The following MOK variants were observed in gnomAD, a reference collection of about 807,000 sequenced individuals.
MOK encodes MOK protein kinase.
MOK carries 59 observed loss-of-function variants against 54.2 expected under a neutral mutation model. The observed-to-expected ratio is 1.09, with a 90% confidence interval of 0.88 to 1.35. The LOEUF is 1.35. Ranked by LOEUF, MOK falls within the 40% of genes most tolerant of loss-of-function variation. The pLI, the probability that MOK is intolerant of heterozygous loss-of-function variation, is 0.00. For synonymous variants in MOK, 210 were observed against 202.7 expected (o/e 1.04, Z -0.31); for missense variants, 517 against 526.2 (o/e 0.98, Z 0.17).
Position 102,232,052 on chromosome 14 carries a change from T to A in MOK, c.867-231A>T. 2.2e-6 allele frequency: 1 copy of A among 454,072 alleles called. No individual in the cohort carries two copies. The highest frequency in any genetic ancestry group is 3.4e-5 in the East Asian group (1 of 29,486). The allele number at this position is 454,072 out of a possible 1,614,324, so 28.1% of individuals were successfully genotyped here. On this transcript the variant is annotated intron_variant, in intron 9 of 11. Coordinates refer to ENST00000361847, the MANE Select transcript of MOK (RefSeq NM_014226.3). This position sits in a 1 kb window ranked among gnomAD's most constrained non-coding sequence, Gnocchi z 5.1. ...TCAGAAGCGCTGCCTACCCAGGGACTCGCAGTTTCAGATCAAACTGTCACC... is the reference window on the plus strand; with the variant it reads ...TCAGAAGCGCTGCCTACCCAGGGACACGCAGTTTCAGATCAAACTGTCACC...
At position 102,245,257 on chromosome 14, in the gene MOK, T is replaced by G. The variant is rs1424129190; in HGVS notation, c.590+5555A>C. ...CAGCTGAATCTCTCCCACTCCAGGT[T>G]CCCACGCCACCCCTAATCCCACTCG... On this transcript the variant is annotated intron_variant, in intron 7 of 11. Coordinates refer to ENST00000361847, the MANE Select transcript of MOK (RefSeq NM_014226.3). This position sits in a 1 kb window ranked among gnomAD's most constrained non-coding sequence, Gnocchi z 4.3. Among the ~76,000 whole-genome samples the G allele has an allele frequency of 6.6e-6, 1 of 152,032 alleles. No individual in the cohort carries two copies. Among genetic ancestry groups the G allele is most frequent in the Non-Finnish European group, 1.5e-5 (1 of 68,020 alleles).
intron 1 of MOK, among the ~76,000 whole-genome samples, chr14:102,302,992 T>C (rs1261526149): frequency 6.6e-6 from 1 of 151,250 alleles, no homozygotes; most frequent in East Asian, 2.0e-4. Context: ...TGAAACCCCG[T>C]CTCTACCAAA....
rs954216890 is a variant in MOK at position 102,232,697 on chromosome 14, A to G, written c.704T>C (p.Met235Thr). 1 of 1,613,478 alleles carries G rather than the reference A, an allele frequency of 6.2e-7. No homozygotes were observed. Among genetic ancestry groups the G allele is most frequent in the African/African-American group, 1.3e-5 (1 of 74,910 alleles). Residue 235 changes from methionine (M) to threonine (T), a missense_variant, in exon 9 of 12, where the codon ATG becomes ACG. Physicochemically the swap from Met to Thr is moderately conservative, Grantham distance 81 (BLOSUM62 -1). Coordinates refer to ENST00000361847, the MANE Select transcript of MOK (RefSeq NM_014226.3). This position sits in a 1 kb window ranked among gnomAD's most constrained non-coding sequence, Gnocchi z 5.1. ...ILTKFKQSRA[M>T]NFDFPFKKGS... ...CTTTTTAAAAGGAAAATCAAAATTC[A>G]TAGCTCTCGACCTGTATTAAAAACC...
At position 102,249,831 on chromosome 14, in the gene MOK, G is replaced by A. The variant is rs1183131889; in HGVS notation, c.590+981C>T. 6.6e-6 allele frequency among the ~76,000 whole-genome samples: 1 copy of A among 152,230 alleles called. No homozygotes were observed. The highest frequency in any genetic ancestry group is 2.4e-5 in the African/African-American group (1 of 41,458). ...TAGCTTCTATTCCAGAAAATGGCAG[G>A]CTCTTGTGACTAAAGGAGAGAGGAG... On this transcript the variant is annotated intron_variant, in intron 7 of 11. Coordinates refer to ENST00000361847, the MANE Select transcript of MOK (RefSeq NM_014226.3). The surrounding 1 kb of genome is among the most constrained non-coding windows in gnomAD (Gnocchi z 5.3).
chr14:102,265,841 A>C lies in MOK; in HGVS notation c.194T>G (p.Met65Arg). ...TACTTACAAAACCACTTCATGCAAC[A>C]TAAGAATGTTTGGGTGCGGATTCAG... ...RRLNPHPNIL[M>R]LHEVVFDRKS... is the part of the protein sequence containing the mutation. Residue 65 changes from methionine (M) to arginine (R), a missense_variant, in exon 3 of 12, where the codon ATG becomes AGG. Coordinates refer to ENST00000361847, the MANE Select transcript of MOK (RefSeq NM_014226.3). 6.2e-7 allele frequency: 1 copy of C among 1,613,966 alleles called. No homozygotes were observed. Among genetic ancestry groups the C allele is most frequent in the Non-Finnish European group, 8.5e-7 (1 of 1,179,814 alleles).
chr14:102,255,531 TCCTGGTCCCGGGCCA>T (rs2066881709), intron 4 of MOK, among the ~76,000 whole-genome samples: 1 of 148,842 alleles, frequency 6.7e-6, no homozygotes, highest in African/African-American at 2.6e-5. Context: ...TAGGGAGCCG[TCCTGGTCCCGGGCCA>T]GTAGTTGGGG....
intron 1 of MOK, among the ~76,000 whole-genome samples, chr14:102,286,270 G>C (rs1297505934): frequency 1.5e-5 from 2 of 129,198 alleles, no homozygotes; most frequent in African/African-American, 3.0e-5. Flanking sequence ...CTGCACTCCA[G>C]CCTGGGCGAC....
chr14:102,227,732 G>C (rs918237560), downstream of MOK, among the ~76,000 whole-genome samples: 5 of 152,226 alleles, frequency 3.3e-5, no homozygotes, highest in East Asian at 7.8e-4. Flanking sequence ...CGGACTCGCT[G>C]CCCCACGCTC....
At chr14:102,229,894 G>A (rs1480939953) in intron 10 of MOK, 3 of 537,284 alleles carry the variant, frequency 5.6e-6, no homozygotes, top group African/African-American at 3.8e-5. Flanking sequence ...TGCAAGCTGA[G>A]CAGTGCGGGC....
chr14:102,264,073 T>C (rs2067688632), intron 3 of MOK: 2 of 156,060 alleles, frequency 1.3e-5, no homozygotes, highest in African/African-American at 4.8e-5. Flanking sequence ...AAGCTGGGTG[T>C]GGTGGCGTGT....
chr14:102,299,728 G>A (rs1036400343), intron 1 of MOK, among the ~76,000 whole-genome samples: 4 of 152,000 alleles, frequency 2.6e-5, no homozygotes, highest in Non-Finnish European at 4.4e-5. Context: ...TGAGACCACA[G>A]GCATGCACTG....
At chr14:102,263,520 G>A in intron 4 of MOK, 26 bp downstream of exon 4, 1 of 1,511,432 alleles carries the variant, frequency 6.6e-7, no homozygotes, top group Non-Finnish European at 9.1e-7. Context: ...AGGATCTTAG[G>A]TTAGCTTTCA....
chr14:102,258,471 C>G (rs2067142087), intron 4 of MOK, among the ~76,000 whole-genome samples: 1 of 133,660 alleles, frequency 7.5e-6, no homozygotes. Context: ...GACTGATATT[C>G]TTGATAATTT....
intron 6 of MOK, chr14:102,251,450 T>G (rs1409836994): frequency 4.2e-6 from 2 of 470,996 alleles, no homozygotes; most frequent in Non-Finnish European, 8.1e-6. Context: ...GGACCTGAGC[T>G]CAAATCCTGC....
intron 1 of MOK, among the ~76,000 whole-genome samples, chr14:102,286,946 A>G (rs1166733901): frequency 6.7e-6 from 1 of 149,808 alleles, no homozygotes; most frequent in Non-Finnish European, 1.5e-5. Flanking sequence ...TAATAATAAT[A>G]ATGTCCTTAA....
intron 1 of MOK, among the ~76,000 whole-genome samples, chr14:102,285,074 T>G (rs1487131516): frequency 2.3e-5 from 3 of 128,806 alleles, no homozygotes; most frequent in South Asian, 2.4e-4. Context: ...CAGAGTGAGA[T>G]GTCATCTCAA....
intron 1 of MOK, among the ~76,000 whole-genome samples, chr14:102,294,827 T>C (rs1438730231): frequency 2.0e-5 from 3 of 152,178 alleles, no homozygotes; most frequent in African/African-American, 4.8e-5. Context: ...ACAAATTCAG[T>C]GTGTGCCAAT....
chr14:102,264,235 GAAAGA>G (rs2067715940), intron 3 of MOK: 1 of 146,746 alleles, frequency 6.8e-6, no homozygotes, highest in Non-Finnish European at 1.5e-5. Flanking sequence ...AAAAAAGAAA[GAAAGA>G]AAGAAAATTA....
In MOK at chr14:102,240,454, A is replaced by C. The variant is rs1356342577; in HGVS notation, c.591-6665T>G. On this transcript the variant is annotated intron_variant, in intron 7 of 11. Coordinates refer to ENST00000361847, the MANE Select transcript of MOK (RefSeq NM_014226.3). This position sits in a 1 kb window ranked among gnomAD's most constrained non-coding sequence, Gnocchi z 5.4. ...AACCAGCCCAAGGAACATCTCACCA[A>C]TTTCAAATCAGGTAAGCGGTCTTTT... 5.8e-6 allele frequency: 1 copy of C among 172,524 alleles called. No homozygotes were observed. The highest frequency in any genetic ancestry group is 1.2e-5 in the Non-Finnish European group (1 of 84,992). The allele number at this position is 172,524 out of a possible 1,614,324, so 10.7% of individuals were successfully genotyped here.
Sources: allele counts gnomAD v4.1 joint callset (sites outside exome capture counted in the v4.1 genomes callset), GRCh38; gene constraint gnomAD v4.1.1; non-coding constraint Gnocchi (gnomAD v3.1); transcripts MANE v1.5; gene names NCBI Gene and HGNC (gene_info 2026-07-23, HGNC 2026-07-21).